The following MAP2 variants were observed in gnomAD, a reference collection of about 807,000 sequenced individuals.
The protein encoded by MAP2 is microtubule associated protein 2, also known as microtubule-associated protein 2.
MAP2 carries 14 observed loss-of-function variants against 137.6 expected under a neutral mutation model. The observed-to-expected ratio is 0.10, with a 90% CI of 0.07 to 0.16. The LOEUF is 0.16. MAP2 is among the 10% of genes least tolerant of loss of function. MAP2 has a pLI of 1.00. For missense variants in MAP2, 2,088 were observed against 2,191.5 expected (o/e 0.95, Z 0.94); for synonymous variants, 786 against 782.3 (o/e 1.00, Z -0.08).
chr2:209,651,480 C>A (rs2094795752), intron 4 of MAP2, among the ~76,000 whole-genome samples: 1 of 152,140 alleles, frequency 6.6e-6, no homozygotes, highest in Non-Finnish European at 1.5e-5. Flanking sequence ...GTTTATTGAG[C>A]ATGCCAGGAA....
intron 4 of MAP2, among the ~76,000 whole-genome samples, chr2:209,646,016 ACT>A (rs752597925): frequency 5.3e-5 from 8 of 151,682 alleles, no homozygotes; most frequent in Non-Finnish European, 1.0e-4. Context: ...CAAAACCTTG[ACT>A]CTCTAAAAAA....
chr2:209,506,437 A>G (rs915315482), intron 1 of MAP2, among the ~76,000 whole-genome samples: 1 of 152,204 alleles, frequency 6.6e-6, no homozygotes, highest in African/African-American at 2.4e-5. Flanking sequence ...CATGTAGAAG[A>G]ACATATGCTG....
intron 5 of MAP2, among the ~76,000 whole-genome samples, chr2:209,670,039 G>A (rs1029763157): frequency 2.0e-5 from 3 of 151,908 alleles, no homozygotes; most frequent in Admixed American, 2.0e-4. Flanking sequence ...AATTGTAACA[G>A]TTTTGACGAG....
chr2:209,598,560 C>T (rs1206223783), intron 3 of MAP2, among the ~76,000 whole-genome samples: 2 of 148,678 alleles, frequency 1.3e-5, no homozygotes, highest in Admixed American at 6.7e-5. Context: ...AACTCGTCAT[C>T]TAGCATTAGG....
intron 5 of MAP2, chr2:209,661,373 C>A: frequency 3.8e-6 from 1 of 261,678 alleles, no homozygotes; most frequent in Non-Finnish European, 5.9e-6. Flanking sequence ...AATAAACAAG[C>A]TCGCCTAACA....
intron 2 of MAP2, among the ~76,000 whole-genome samples, chr2:209,539,385 C>G (rs1002441637): frequency 6.6e-6 from 1 of 152,126 alleles, no homozygotes; most frequent in Non-Finnish European, 1.5e-5. Flanking sequence ...ACTCTTTTGA[C>G]CTAATTTATG....
chr2:209,642,143 A>C (rs1045237045), intron 4 of MAP2, among the ~76,000 whole-genome samples: 1 of 152,082 alleles, frequency 6.6e-6, no homozygotes, highest in African/African-American at 2.4e-5. Context: ...AAAATTTTCA[A>C]ATAAAAACCA....
intron 13 of MAP2, among the ~76,000 whole-genome samples, chr2:209,719,921 C>T (rs2069525380): frequency 6.6e-6 from 1 of 152,024 alleles, no homozygotes; most frequent in Non-Finnish European, 1.5e-5. Flanking sequence ...GACTAAAATC[C>T]TTTTTTGCAA....
At chr2:209,510,106 G>A (rs2061551419) in intron 2 of MAP2, among the ~76,000 whole-genome samples, 2 of 150,510 alleles carry the variant, frequency 1.3e-5, no homozygotes, top group Admixed American at 6.6e-5. Flanking sequence ...AACATTTTAG[G>A]CCACAATTTT....
At chr2:209,667,489 T>C (rs1243280988) in intron 5 of MAP2, among the ~76,000 whole-genome samples, 1 of 151,978 alleles carries the variant, frequency 6.6e-6, no homozygotes, top group Non-Finnish European at 1.5e-5. Flanking sequence ...GAACCGAGAA[T>C]TGGTCAACTG....
At chr2:209,480,537 A>AGTTT (rs71043928) in intron 1 of MAP2, among the ~76,000 whole-genome samples, 26,651 of 150,524 alleles carry the variant, frequency 0.18, 2,356 homozygotes, top group South Asian at 0.23. Flanking sequence ...GATGATCTAA[A>AGTTT]GTTTGTTTGT....
chr2:209,535,336 C>G (rs2065794864), intron 2 of MAP2, among the ~76,000 whole-genome samples: 1 of 152,150 alleles, frequency 6.6e-6, no homozygotes, highest in Admixed American at 6.5e-5. Flanking sequence ...TTATCCTGGA[C>G]AACTTCACCG....
At chr2:209,536,107 A>G (rs1055042482) in intron 2 of MAP2, among the ~76,000 whole-genome samples, 1 of 152,242 alleles carries the variant, frequency 6.6e-6, no homozygotes, top group African/African-American at 2.4e-5. Flanking sequence ...TTTCAGCACT[A>G]TCTCAGAGTG....
chr2:209,576,278 C>T (rs1305494738), intron 2 of MAP2, among the ~76,000 whole-genome samples: 2 of 152,142 alleles, frequency 1.3e-5, no homozygotes, highest in Non-Finnish European at 2.9e-5. Flanking sequence ...AAGTCTTGCT[C>T]TGTCGCCCAG....
intron 3 of MAP2, among the ~76,000 whole-genome samples, chr2:209,604,905 C>T (rs906422218): frequency 3.3e-5 from 5 of 152,172 alleles, no homozygotes; most frequent in African/African-American, 1.2e-4. Context: ...ATGGCCTCCC[C>T]ATAAAAATGC....
At chr2:209,501,529 T>C (rs2060380536) in intron 1 of MAP2, among the ~76,000 whole-genome samples, 1 of 152,172 alleles carries the variant, frequency 6.6e-6, no homozygotes, top group Non-Finnish European at 1.5e-5. Context: ...ACCTTTTAGG[T>C]GAGGAGAAAG....
At chr2:209,608,766 C>T (rs1331685678) in intron 3 of MAP2, among the ~76,000 whole-genome samples, 1 of 152,144 alleles carries the variant, frequency 6.6e-6, no homozygotes, top group East Asian at 1.9e-4. Context: ...ATTCCATCCC[C>T]TCTGTTATAT....
intron 1 of MAP2, among the ~76,000 whole-genome samples, chr2:209,441,260 T>C (rs1697692811): frequency 6.6e-6 from 1 of 151,580 alleles, no homozygotes; most frequent in Non-Finnish European, 1.5e-5. Context: ...TAATTTGCAA[T>C]AGAAAGGCAA....
intron 1 of MAP2, among the ~76,000 whole-genome samples, chr2:209,441,340 C>A (rs187521353): frequency 0.024 from 3,657 of 151,622 alleles, 55 homozygotes; most frequent in Non-Finnish European, 0.034. Flanking sequence ...AGTCTTAATT[C>A]ATCAGGCGTA....
Sources: gnomAD v4.1 joint callset for allele counts (sites outside exome capture counted in the v4.1 genomes callset) on GRCh38, gnomAD v4.1.1 for gene constraint, MANE v1.5 for transcripts, NCBI Gene and HGNC (gene_info 2026-07-23, HGNC 2026-07-21) for gene names.